ROBO1: variants seen among roughly 807,000 people sequenced by gnomAD.
The protein encoded by ROBO1 is roundabout guidance receptor 1.
Under a neutral mutation model 195.9 loss-of-function variants are expected in ROBO1, and 149 were observed. That is an observed-to-expected ratio of 0.76 (90% confidence interval 0.67 to 0.87). The LOEUF is 0.87. Among genes scored for constraint, ROBO1 ranks in the 40% least tolerant of loss-of-function variants. ROBO1 has a pLI of 0.00. For missense variants in ROBO1, 1,933 were observed against 2,068.3 expected, an observed-to-expected ratio of 0.93 and a Z score of 1.27; for synonymous variants, 816 against 733.2, an observed-to-expected ratio of 1.11 and a Z score of -1.82.
intron 1 of ROBO1, among the ~76,000 whole-genome samples, chr3:79,647,183 C>T (rs1335840028): frequency 6.6e-6 from 1 of 151,568 alleles, no homozygotes; most frequent in Non-Finnish European, 1.5e-5. Flanking sequence ...ATCACATGTG[C>T]CCAGAAAATA....
chr3:78,750,549 A>AATC (rs2082767482), intron 4 of ROBO1, among the ~76,000 whole-genome samples: 1 of 151,854 alleles, frequency 6.6e-6, no homozygotes, highest in South Asian at 2.1e-4. Flanking sequence ...CAAAGCATAT[A>AATC]ATCACTACTT....
chr3:79,039,801 CAAAAA>C (rs1214691931), intron 3 of ROBO1, among the ~76,000 whole-genome samples: 2 of 51,314 alleles, frequency 3.9e-5, no homozygotes, highest in Non-Finnish European at 6.3e-5. Flanking sequence ...GACTCCGTCT[CAAAAA>C]AAAAAAAAAA....
chr3:78,737,217 G>T (rs1048206826), intron 5 of ROBO1, among the ~76,000 whole-genome samples: 1 of 152,166 alleles, frequency 6.6e-6, no homozygotes, highest in Non-Finnish European at 1.5e-5. Context: ...TCTCACAGTG[G>T]TGAATCAGAT....
chr3:79,363,255 T>G lies in ROBO1; in HGVS notation c.88+226569A>C, dbSNP rs550097557. Reference sequence around the variant, plus strand: ...TGCTTATGAAACACAGAAACAGCTGTGATTTCTTTCCTTGTCTGTGTATTG... The same window carrying G: ...TGCTTATGAAACACAGAAACAGCTGGGATTTCTTTCCTTGTCTGTGTATTG... On this transcript the variant is annotated intron_variant, in intron 2 of 30. Coordinates refer to ENST00000464233, the MANE Select transcript of ROBO1 (RefSeq NM_002941.4). Among the ~76,000 whole-genome samples, 92 of 152,316 alleles carry G rather than the reference T, an allele frequency of 6.0e-4. 1 individual carries two copies. Among genetic ancestry groups the G allele is most frequent in the Admixed American group, 1.8e-3 (28 of 15,306 alleles).
At chr3:79,058,728 A>T (rs2078859759) in intron 3 of ROBO1, among the ~76,000 whole-genome samples, 1 of 152,074 alleles carries the variant, frequency 6.6e-6, no homozygotes, top group Admixed American at 6.6e-5. Flanking sequence ...CTTCAAGAAA[A>T]GTGTAATGCT....
intron 2 of ROBO1, among the ~76,000 whole-genome samples, chr3:79,505,073 TCTTA>T (rs1940316356): frequency 1.3e-5 from 2 of 152,194 alleles, no homozygotes; most frequent in Non-Finnish European, 2.9e-5. Context: ...ACAATTATGT[TCTTA>T]CTTATATTAA....
At chr3:78,775,143 G>A (rs1341329428) in intron 4 of ROBO1, among the ~76,000 whole-genome samples, 1 of 152,186 alleles carries the variant, frequency 6.6e-6, no homozygotes, top group Non-Finnish European at 1.5e-5. Context: ...ACAAAACAAA[G>A]ATGATCAACT....
chr3:78,631,215 G>T lies in ROBO1; in HGVS notation c.3572C>A (p.Ala1191Glu), dbSNP rs781151085. The change falls in exon 25 of 31, where the codon GCA (alanine) becomes GAA (glutamate). Residue 1191 changes from alanine to glutamate, a missense_variant. This residue lies in a region of ROBO1 where 1,737 missense variants were observed against 1,882.5 expected (regional missense o/e 0.92). Coordinates refer to ENST00000464233, the MANE Select transcript of ROBO1 (RefSeq NM_002941.4). ...NWADLLPPPP[A>E]HPPPHSNSEE... ...GCTATTGCTGTGTGGAGGAGGATGT[G>T]CTGGGGGAGGAGGAAGCAGGTCTGC... The T allele has an allele frequency of 1.9e-6, 3 of 1,613,250 alleles. No individual in the cohort carries two copies. In the Admixed American group the frequency reaches 5.0e-5, roughly 27 times the overall value.
chr3:79,717,339 C>T (rs2107270957), intron 1 of ROBO1, among the ~76,000 whole-genome samples: 1 of 152,004 alleles, frequency 6.6e-6, no homozygotes, highest in Admixed American at 6.5e-5. Context: ...TTCCAAAAGG[C>T]ACTGAGAGAA....
In ROBO1 at chr3:79,509,906, T is replaced by C. The variant is rs533810418; in HGVS notation, c.88+79918A>G. Among the ~76,000 whole-genome samples, 10 of 152,294 alleles carry C rather than the reference T, an allele frequency of 6.6e-5. No individual in the cohort carries two copies. In the South Asian group the frequency reaches 2.1e-3, roughly 32 times the overall value. ...GTCAGGCGTACTTACCAGTGTAATA[T>C]TACTCTTCCCAGTCATTAAATATTT... is the stretch of plus-strand genomic sequence containing the variant. On this transcript the variant is annotated intron_variant, in intron 2 of 30. Transcript: ENST00000464233.
chr3:79,394,452 G>C (rs562364278), intron 2 of ROBO1, among the ~76,000 whole-genome samples: 173 of 151,964 alleles, frequency 1.1e-3, no homozygotes, highest in African/African-American at 4.0e-3. Flanking sequence ...ATTACTATAT[G>C]TGCATTCTGA....
chr3:79,146,027 GAT>G (rs2080641871), intron 2 of ROBO1, among the ~76,000 whole-genome samples: 2 of 89,108 alleles, frequency 2.2e-5, no homozygotes, highest in African/African-American at 9.9e-5. Flanking sequence ...TCATATTAAA[GAT>G]AAAGAAAGCA....
intron 4 of ROBO1, among the ~76,000 whole-genome samples, chr3:78,892,580 G>A (rs762245902): frequency 2.0e-5 from 3 of 152,148 alleles, no homozygotes; most frequent in Non-Finnish European, 2.9e-5. Flanking sequence ...AATAGCTCAA[G>A]AAGTGTTTAT....
chr3:78,623,225 A>G (rs1362802597), intron 26 of ROBO1, among the ~76,000 whole-genome samples: 3 of 152,174 alleles, frequency 2.0e-5, no homozygotes, highest in African/African-American at 7.2e-5. Context: ...ACACATAAAT[A>G]TGGCTCCTAT....
In ROBO1 at chr3:79,194,622, G is replaced by A. The variant is rs538645127; in HGVS notation, c.89-69083C>T. The stretch of plus-strand genomic sequence containing the variant: ...GCATATATATAGACGTATAAATGCC[G>A]CACTTGCTAAAGAATGGGCACCCAT... On this transcript the variant is annotated intron_variant, in intron 2 of 30. Transcript: ENST00000464233. Among the ~76,000 whole-genome samples, 9 of 151,672 alleles carry A rather than the reference G, an allele frequency of 5.9e-5. No individual in the cohort carries two copies. In the South Asian group the frequency reaches 1.5e-3, roughly 25 times the overall value.
chr3:78,995,614 T>C (rs886382288), intron 3 of ROBO1, among the ~76,000 whole-genome samples: 1 of 151,834 alleles, frequency 6.6e-6, no homozygotes, highest in African/African-American at 2.4e-5. Context: ...TTTAAAAAAT[T>C]CTAGGTCTGA....
chr3:79,160,157 T>C (rs1271112781), intron 2 of ROBO1, among the ~76,000 whole-genome samples: 4 of 152,012 alleles, frequency 2.6e-5, no homozygotes, highest in Non-Finnish European at 5.9e-5. Flanking sequence ...TTTAACGCTA[T>C]TGTAAATTAT....
At chr3:78,822,428 A>G (rs917400117) in intron 4 of ROBO1, among the ~76,000 whole-genome samples, 1 of 152,154 alleles carries the variant, frequency 6.6e-6, no homozygotes, top group Admixed American at 6.5e-5. Flanking sequence ...CACAAAATCT[A>G]TATTAGGCAC....
chr3:79,699,590 T>A (rs1451603802), intron 1 of ROBO1, among the ~76,000 whole-genome samples: 1 of 151,598 alleles, frequency 6.6e-6, no homozygotes, highest in Non-Finnish European at 1.5e-5. Context: ...TTATCCTGAG[T>A]CCATAGGTGA....
Sources: allele counts gnomAD v4.1 joint callset (sites outside exome capture counted in the v4.1 genomes callset), GRCh38; gene constraint gnomAD v4.1.1; regional missense constraint gnomAD v4.1.1; transcripts MANE v1.5; gene names NCBI Gene and HGNC (gene_info 2026-07-23, HGNC 2026-07-21).